DIAPH2: variants seen among roughly 807,000 people sequenced by gnomAD.
The protein encoded by DIAPH2 is diaphanous related formin 2.
A neutral mutation model predicts 92.7 loss-of-function variants in DIAPH2; 35 were observed. The ratio of observed to expected loss-of-function variants is 0.38; its 90% CI spans 0.29 to 0.50. The LOEUF is 0.50. Ranked by LOEUF, DIAPH2 falls within the 20% of genes least tolerant of loss-of-function variation. DIAPH2 has a pLI of 0.94. For synonymous variants in DIAPH2, 301 were observed against 280.4 expected (o/e 1.07, Z -0.73); for missense variants, 701 against 819.5 (o/e 0.86, Z 1.77).
intron 23 of DIAPH2, among the ~76,000 whole-genome samples, chrX:97,262,404 G>A (rs918095764): frequency 1.8e-5 from 2 of 111,923 alleles, no homozygotes; most frequent in Admixed American, 1.9e-4. Flanking sequence ...TGTAAGGAAT[G>A]AGCATGAGTA....
intron 4 of DIAPH2, among the ~76,000 whole-genome samples, chrX:96,793,917 A>C (rs2064519675): frequency 8.9e-6 from 1 of 112,204 alleles, no homozygotes; most frequent in Non-Finnish European, 1.9e-5. Flanking sequence ...GACAGCTAGT[A>C]AGGTAGAAAG....
intron 26 of DIAPH2, among the ~76,000 whole-genome samples, chrX:97,514,187 T>C (rs2070919930): frequency 9.1e-6 from 1 of 110,301 alleles, no homozygotes; most frequent in Non-Finnish European, 1.9e-5. Context: ...AGTCCCATAT[T>C]TCTTGGAGGC....
At chrX:97,272,705 G>A (rs1174326249) in intron 23 of DIAPH2, among the ~76,000 whole-genome samples, 3 of 111,921 alleles carry the variant, frequency 2.7e-5, no homozygotes, top group African/African-American at 9.7e-5. Context: ...AAATACCAAT[G>A]AAGACAGGAA....
intron 22 of DIAPH2, among the ~76,000 whole-genome samples, chrX:97,191,104 G>A (rs543738823): frequency 9.1e-6 from 1 of 110,302 alleles, no homozygotes; most frequent in African/African-American, 3.3e-5. Context: ...CCAGGCAGGC[G>A]GATCACCTGA....
At chrX:97,371,719 T>C (rs761886356) in intron 24 of DIAPH2, among the ~76,000 whole-genome samples, 2 of 111,587 alleles carry the variant, frequency 1.8e-5, no homozygotes, top group African/African-American at 6.5e-5. Context: ...TCAAAAACCT[T>C]ATTGATTGTG....
intron 1 of DIAPH2, among the ~76,000 whole-genome samples, chrX:96,694,630 C>T (rs1442914855): frequency 9.0e-6 from 1 of 111,613 alleles, no homozygotes; most frequent in African/African-American, 3.3e-5. Flanking sequence ...CATGAGCTAC[C>T]GCGCCTGGCT....
At position 96,796,172 on chromosome X, in the gene DIAPH2, A is replaced by AGTTTT. The variant is rs780958991; in HGVS notation, c.447+37936_447+37940dup. On this transcript the variant is annotated intron_variant, in intron 4 of 26. Coordinates refer to ENST00000324765, the MANE Select transcript of DIAPH2 (RefSeq NM_006729.5). The stretch of plus-strand genomic sequence containing the variant: ...TTTTGTTTTTTATTTTTTTATTTTT[A>AGTTTT]GTTTTGTTTTGTTTTGTTTTGTTTT... Among the ~76,000 whole-genome samples the AGTTTT allele has an allele frequency of 8.2e-5, 9 of 110,189 alleles. No individual in the cohort carries two copies. In the East Asian group the frequency reaches 1.4e-3, roughly 17 times the overall value.
At chrX:97,590,007 A>G (rs147237075) in intron 26 of DIAPH2, among the ~76,000 whole-genome samples, 2 of 112,692 alleles carry the variant, frequency 1.8e-5, no homozygotes, top group East Asian at 5.6e-4. Context: ...TGTGATATTA[A>G]CCATACAGGT....
intron 20 of DIAPH2, among the ~76,000 whole-genome samples, chrX:97,110,987 AAAAC>A (rs1443688848): frequency 9.2e-6 from 1 of 108,330 alleles, no homozygotes; most frequent in African/African-American, 3.5e-5. Context: ...CGTCTCAAAA[AAAAC>A]AAACAAAAAA....
At chrX:96,919,434 T>A (rs1354780301) in intron 9 of DIAPH2, among the ~76,000 whole-genome samples, 1 of 111,601 alleles carries the variant, frequency 9.0e-6, no homozygotes, top group Non-Finnish European at 1.9e-5. Context: ...TCTCTGCTAA[T>A]CTCTCTTTTA....
chrX:97,298,854 G>A (rs1005631275), intron 23 of DIAPH2, among the ~76,000 whole-genome samples: 3 of 110,574 alleles, frequency 2.7e-5, no homozygotes, highest in Non-Finnish European at 5.7e-5. Context: ...TACTGACCTC[G>A]TGATCCGCCC....
chrX:96,898,980 G>A (rs2065370604), intron 5 of DIAPH2, among the ~76,000 whole-genome samples: 1 of 108,885 alleles, frequency 9.2e-6, no homozygotes, highest in African/African-American at 3.3e-5. Flanking sequence ...TTATTAAATA[G>A]GGAATCCTTT....
intron 26 of DIAPH2, among the ~76,000 whole-genome samples, chrX:97,592,142 TTTA>T (rs1193681700): frequency 8.9e-6 from 1 of 112,367 alleles, no homozygotes; most frequent in Non-Finnish European, 1.9e-5. Context: ...ACATTTGTAG[TTTA>T]ATGTGGATAC....
At chrX:97,162,621 T>G (rs1186542508) in intron 22 of DIAPH2, among the ~76,000 whole-genome samples, 7 of 110,800 alleles carry the variant, frequency 6.3e-5, no homozygotes, top group African/African-American at 2.0e-4. Context: ...CCTCCCTGCT[T>G]TCGCCTACTG....
intron 22 of DIAPH2, among the ~76,000 whole-genome samples, chrX:97,223,362 A>T (rs1181870165): frequency 9.0e-6 from 1 of 110,933 alleles, no homozygotes; most frequent in East Asian, 2.8e-4. Context: ...AGTGTTTTTC[A>T]TGTTTTTTCA....
chrX:97,020,094 T>C lies in DIAPH2; in HGVS notation c.2051-52847T>C, dbSNP rs952830629. Among the ~76,000 whole-genome samples the C allele has an allele frequency of 8.0e-4, 90 of 112,877 alleles. 1 individual carries two copies. The highest frequency in any genetic ancestry group is 2.7e-3 in the African/African-American group (85 of 31,146). ...AGCTCTTGGCTATGCAGTGCTGCAG[T>C]TGACCCATTCACTTCTCTGTTCAGG... On this transcript the variant is annotated intron_variant, in intron 17 of 26. Transcript: ENST00000324765.
At chrX:97,219,417 A>G (rs1454501215) in intron 22 of DIAPH2, among the ~76,000 whole-genome samples, 1 of 111,817 alleles carries the variant, frequency 8.9e-6, no homozygotes, top group African/African-American at 3.2e-5. Context: ...TGAGGGGATT[A>G]TTTTTGTTGC....
At chrX:96,930,585 T>TA in intron 9 of DIAPH2, 148 bp from the exon 10 acceptor site, 1 of 390,869 alleles carries the variant, frequency 2.6e-6, no homozygotes, top group Non-Finnish European at 4.3e-6. Flanking sequence ...TGTTTATAAT[T>TA]AAAGTCATAA....
At chrX:96,832,693 T>C (rs1042463438) in intron 4 of DIAPH2, among the ~76,000 whole-genome samples, 2 of 111,403 alleles carry the variant, frequency 1.8e-5, no homozygotes, top group Non-Finnish European at 3.8e-5. Flanking sequence ...AGTGATAAAT[T>C]TGAAGATTCT....
Sources: allele counts gnomAD v4.1 joint callset (sites outside exome capture counted in the v4.1 genomes callset), GRCh38; gene constraint gnomAD v4.1.1; transcripts MANE v1.5; gene names NCBI Gene and HGNC (gene_info 2026-07-23, HGNC 2026-07-21).